Variants in GRID1 observed in about 807,000 individuals in gnomAD.
The protein encoded by GRID1 is glutamate receptor ionotropic, delta-1.
A neutral mutation model predicts 98.0 loss-of-function variants in GRID1; 28 were observed. The ratio of observed to expected loss-of-function variants is 0.29; its 90% CI spans 0.21 to 0.39. The LOEUF is 0.39. Ranked by LOEUF, GRID1 falls within the 10% of genes least tolerant of loss-of-function variation. GRID1 has a pLI of 1.00. For synonymous variants in GRID1, 553 were observed against 538.5 expected (o/e 1.03, Z -0.37); for missense variants, 1,111 against 1,340.5 (o/e 0.83, Z 2.67).
intron 4 of GRID1, among the ~76,000 whole-genome samples, chr10:86,083,867 G>A (rs1258103129): frequency 6.6e-6 from 1 of 152,230 alleles, no homozygotes; most frequent in Non-Finnish European, 1.5e-5. Flanking sequence ...GTACTTGCGT[G>A]TTTTCAGCCA....
At chr10:85,665,648 T>C (rs1841011216) in intron 12 of GRID1, among the ~76,000 whole-genome samples, 3 of 152,146 alleles carry the variant, frequency 2.0e-5, no homozygotes, top group African/African-American at 7.2e-5. Flanking sequence ...CACCCCACCA[T>C]CTTCTGGAGC....
intron 12 of GRID1, among the ~76,000 whole-genome samples, chr10:85,695,346 T>C (rs1841381533): frequency 1.3e-5 from 2 of 152,194 alleles, no homozygotes; most frequent in Admixed American, 6.6e-5. Flanking sequence ...GCACCCATCA[T>C]GGGAGTTATA....
chr10:86,130,233 C>T (rs1440735518), intron 4 of GRID1, among the ~76,000 whole-genome samples: 1 of 152,234 alleles, frequency 6.6e-6, no homozygotes, highest in East Asian at 1.9e-4. Flanking sequence ...CCCTTCTTCT[C>T]TCCAAGGGGA....
At chr10:85,833,692 TTAAA>T (rs1842889597) in intron 8 of GRID1, among the ~76,000 whole-genome samples, 1 of 152,076 alleles carries the variant, frequency 6.6e-6, no homozygotes, top group Non-Finnish European at 1.5e-5. Context: ...GACTATAATT[TTAAA>T]TAAATAATCA....
intron 8 of GRID1, among the ~76,000 whole-genome samples, chr10:85,824,717 T>G (rs1388697833): frequency 6.6e-6 from 1 of 152,160 alleles, no homozygotes; most frequent in Admixed American, 6.5e-5. Context: ...TCCAGTCTTC[T>G]GAGTCTCCAA....
chr10:85,675,222 C>T (rs1841131171), intron 12 of GRID1, among the ~76,000 whole-genome samples: 1 of 152,202 alleles, frequency 6.6e-6, no homozygotes, highest in South Asian at 2.1e-4. Context: ...GAGCTGCACA[C>T]ACGTGAGCTA....
At chr10:86,355,381 A>C (rs1392037500) in intron 2 of GRID1, among the ~76,000 whole-genome samples, 3 of 152,264 alleles carry the variant, frequency 2.0e-5, no homozygotes, top group Admixed American at 6.5e-5. Context: ...CTCAGAGCCC[A>C]GCTGCCTCAT....
intron 8 of GRID1, among the ~76,000 whole-genome samples, chr10:85,825,235 T>C (rs1445381288): frequency 2.6e-5 from 4 of 152,254 alleles, no homozygotes; most frequent in Non-Finnish European, 5.9e-5. Flanking sequence ...CCATTCTGGC[T>C]GGGGTAAGGT....
At chr10:85,808,785 G>T (rs577145768) in intron 8 of GRID1, among the ~76,000 whole-genome samples, 1 of 151,960 alleles carries the variant, frequency 6.6e-6, no homozygotes, top group African/African-American at 2.4e-5. Context: ...ATAAACCAAA[G>T]ATGGTACAAC....
At chr10:86,084,442 A>G (rs1474201229) in intron 4 of GRID1, among the ~76,000 whole-genome samples, 1 of 152,210 alleles carries the variant, frequency 6.6e-6, no homozygotes. Context: ...TAAAATTTCT[A>G]TCAATAAAAA....
At chr10:85,919,556 G>C (rs1253225404) in intron 4 of GRID1, among the ~76,000 whole-genome samples, 2 of 152,186 alleles carry the variant, frequency 1.3e-5, no homozygotes, top group Non-Finnish European at 2.9e-5. Context: ...AGGGCTGCCA[G>C]CTCTGTGGGA....
intron 2 of GRID1, chr10:86,264,795 A>G (rs1847078951): frequency 2.1e-6 from 1 of 484,584 alleles, no homozygotes; most frequent in Admixed American, 2.3e-5. Flanking sequence ...GACCTCCCAC[A>G]CGCTCGTCTG....
chr10:86,174,133 A>T (rs1845537130), intron 3 of GRID1, among the ~76,000 whole-genome samples: 1 of 152,138 alleles, frequency 6.6e-6, no homozygotes, highest in Admixed American at 6.5e-5. Flanking sequence ...CTAGTTCTAG[A>T]TCCCTGAGGA....
rs574997013 is a variant in GRID1, at chr10:85,824,350, T to C, written c.1233+30146A>G. The stretch of plus-strand genomic sequence containing the variant: ...CCTCAGCTTCCCATGTAGCTGGGAT[T>C]ACAGACTCACACCACCACACCTAGT... On this transcript the variant is annotated intron_variant, in intron 8 of 15. Coordinates refer to ENST00000327946, the MANE Select transcript of GRID1 (RefSeq NM_017551.3). Among the ~76,000 whole-genome samples the C allele has an allele frequency of 9.8e-4, 149 of 152,220 alleles. 1 individual carries two copies. Among genetic ancestry groups the C allele is most frequent in the African/African-American group, 3.4e-3 (143 of 41,534 alleles).
intron 6 of GRID1, among the ~76,000 whole-genome samples, chr10:85,858,330 G>A (rs1174768808): frequency 6.6e-6 from 1 of 152,180 alleles, no homozygotes; most frequent in African/African-American, 2.4e-5. Context: ...TTCTTCAGGG[G>A]CCTGCAGCAC....
intron 4 of GRID1, among the ~76,000 whole-genome samples, chr10:85,961,611 C>A (rs1370370719): frequency 6.6e-6 from 1 of 150,598 alleles, no homozygotes; most frequent in African/African-American, 2.4e-5. Flanking sequence ...TTCTTTCATT[C>A]CTTCCTTTTC....
chr10:86,273,360 CTG>C (rs1847215018), intron 2 of GRID1, among the ~76,000 whole-genome samples: 3 of 122,446 alleles, frequency 2.5e-5, no homozygotes, highest in Non-Finnish European at 3.7e-5. Flanking sequence ...GTGAATAGTG[CTG>C]CAATAAACAT....
intron 4 of GRID1, among the ~76,000 whole-genome samples, chr10:85,923,504 C>T (rs1177030046): frequency 2.0e-5 from 3 of 152,078 alleles, no homozygotes; most frequent in East Asian, 1.9e-4. Context: ...TGGGGGCAAT[C>T]GCTGGCATTT....
At chr10:85,957,120 G>A (rs531758717) in intron 4 of GRID1, among the ~76,000 whole-genome samples, 4 of 152,084 alleles carry the variant, frequency 2.6e-5, no homozygotes, top group East Asian at 3.9e-4. Flanking sequence ...TGGAGGAACC[G>A]CCCCCATGAT....
Sources: allele counts gnomAD v4.1 joint callset (sites outside exome capture counted in the v4.1 genomes callset), GRCh38; gene constraint gnomAD v4.1.1; transcripts MANE v1.5; gene names NCBI Gene and HGNC (gene_info 2026-07-23, HGNC 2026-07-21).